The following RBFOX1 variants were observed in gnomAD, a reference collection of about 807,000 sequenced individuals.
RBFOX1 encodes RNA binding protein fox-1 homolog 1.
In RBFOX1, 8 loss-of-function variants were observed where a neutral mutation model predicts 57.7. That is an observed-to-expected ratio of 0.14 (90% CI 0.08 to 0.25). The LOEUF is 0.25. Ranked by LOEUF, RBFOX1 falls within the 10% of genes least tolerant of loss-of-function variation. The pLI is 1.00. For synonymous variants in RBFOX1, 326 were observed against 222.4 expected, an observed-to-expected ratio of 1.47 and a Z score of -4.15; for missense variants, 611 against 548.5, an observed-to-expected ratio of 1.11 and a Z score of -1.14.
chr16:7,479,139 T>G (rs2063356649), intron 4 of RBFOX1, among the ~76,000 whole-genome samples: 1 of 151,728 alleles, frequency 6.6e-6, no homozygotes, highest in Non-Finnish European at 1.5e-5. Flanking sequence ...AATTTTAATT[T>G]TAGGGACAGG....
chr16:5,920,386 G>C (rs2058795991), intron 4 of RBFOX1, among the ~76,000 whole-genome samples: 1 of 152,108 alleles, frequency 6.6e-6, no homozygotes, highest in South Asian at 2.1e-4. Context: ...TCCTACCTTT[G>C]GATTGTTTAG....
chr16:7,364,794 A>C (rs1371245133), intron 4 of RBFOX1, among the ~76,000 whole-genome samples: 1 of 152,190 alleles, frequency 6.6e-6, no homozygotes, highest in Non-Finnish European at 1.5e-5. Flanking sequence ...AAGAAGTCAG[A>C]AGAAATCTTT....
chr16:7,087,670 T>A (rs949370928), intron 4 of RBFOX1, among the ~76,000 whole-genome samples: 2 of 152,056 alleles, frequency 1.3e-5, no homozygotes, highest in Non-Finnish European at 2.9e-5. Flanking sequence ...GTTATCCTCA[T>A]AAACTCATAA....
chr16:5,435,565 C>T (rs572413760), intron 1 of RBFOX1, among the ~76,000 whole-genome samples: 19 of 152,266 alleles, frequency 1.2e-4, no homozygotes, highest in Non-Finnish European at 2.2e-4. Context: ...GGGCAAATGT[C>T]GTCACCACCC....
At chr16:5,352,276 C>A (rs1343356183) in intron 1 of RBFOX1, among the ~76,000 whole-genome samples, 1 of 152,148 alleles carries the variant, frequency 6.6e-6, no homozygotes, top group East Asian at 1.9e-4. Flanking sequence ...TCTTGTCCCC[C>A]AAGCTGAGCA....
At chr16:7,079,562 C>G (rs1007670603) in intron 4 of RBFOX1, among the ~76,000 whole-genome samples, 2 of 152,168 alleles carry the variant, frequency 1.3e-5, no homozygotes, top group Non-Finnish European at 2.9e-5. Flanking sequence ...GGTGTCACAT[C>G]TGTTTCTCTC....
At chr16:5,515,623 G>T (rs1394496070) in intron 2 of RBFOX1, among the ~76,000 whole-genome samples, 1 of 152,088 alleles carries the variant, frequency 6.6e-6, no homozygotes, top group Non-Finnish European at 1.5e-5. Flanking sequence ...GATCAATTTG[G>T]GTACGGTTGA....
At chr16:7,686,040 G>T (rs993715212) in intron 14 of RBFOX1, among the ~76,000 whole-genome samples, 1 of 151,942 alleles carries the variant, frequency 6.6e-6, no homozygotes, top group African/African-American at 2.4e-5. Context: ...GGGATTAATG[G>T]ATGACCATTG....
intron 4 of RBFOX1, among the ~76,000 whole-genome samples, chr16:7,389,996 C>G (rs879400046): frequency 6.6e-6 from 1 of 152,118 alleles, no homozygotes; most frequent in East Asian, 1.9e-4. Flanking sequence ...TGTACAGGCT[C>G]TGCTTCTGGG....
At chr16:6,945,045 G>A (rs908887190) in intron 3 of RBFOX1, among the ~76,000 whole-genome samples, 1 of 152,094 alleles carries the variant, frequency 6.6e-6, no homozygotes, top group Non-Finnish European at 1.5e-5. Context: ...TGAATCCCGT[G>A]TTCTAATGCA....
At chr16:5,609,491 C>T (rs1418187015) in intron 3 of RBFOX1, among the ~76,000 whole-genome samples, 1 of 152,148 alleles carries the variant, frequency 6.6e-6, no homozygotes, top group African/African-American at 2.4e-5. Flanking sequence ...CTATTTCCTT[C>T]TTGTGGAGAC....
chr16:6,435,627 AC>A (rs1567268032), intron 2 of RBFOX1, among the ~76,000 whole-genome samples: 1 of 151,810 alleles, frequency 6.6e-6, no homozygotes, highest in Non-Finnish European at 1.5e-5. Context: ...TATAGCATCT[AC>A]CCCCAGCAAG....
chr16:7,508,268 G>A (rs1043451907), intron 4 of RBFOX1, among the ~76,000 whole-genome samples: 3 of 152,268 alleles, frequency 2.0e-5, no homozygotes, highest in South Asian at 2.1e-4. Flanking sequence ...GTGAGCCACC[G>A]CGCCCGGCCA....
At chr16:7,462,031 C>T (rs2059674630) in intron 4 of RBFOX1, among the ~76,000 whole-genome samples, 1 of 152,176 alleles carries the variant, frequency 6.6e-6, no homozygotes, top group Non-Finnish European at 1.5e-5. Flanking sequence ...TGCCTGAGGA[C>T]AGGCCAGTGA....
intron 1 of RBFOX1, among the ~76,000 whole-genome samples, chr16:6,159,596 G>C (rs901529915): frequency 1.3e-5 from 2 of 152,172 alleles, no homozygotes; most frequent in Non-Finnish European, 2.9e-5. Context: ...AGGAAAGTTT[G>C]CCTTCCCCTC....
chr16:5,563,421 C>G lies in RBFOX1; in HGVS notation c.259-35481C>G, dbSNP rs1053687715. On this transcript the variant is annotated intron_variant, in intron 2 of 2. Transcript: ENST00000585867. ...TATCGTTATCTACTGAACTACAATG[C>G]TTAAACTGTTGAAATAATAGTTTTC... Among the ~76,000 whole-genome samples, 3 of 152,302 alleles carry G rather than the reference C, an allele frequency of 2.0e-5. No individual in the cohort carries two copies. In the South Asian group the frequency reaches 6.2e-4, roughly 32 times the overall value.
intron 14 of RBFOX1, among the ~76,000 whole-genome samples, chr16:7,696,243 T>A (rs949540581): frequency 1.3e-5 from 2 of 152,224 alleles, no homozygotes; most frequent in Non-Finnish European, 2.9e-5. Flanking sequence ...AAAGAATGTG[T>A]GCTCTGTTGG....
intron 3 of RBFOX1, among the ~76,000 whole-genome samples, chr16:5,711,426 A>G (rs2051483374): frequency 6.6e-6 from 1 of 152,218 alleles, no homozygotes; most frequent in Non-Finnish European, 1.5e-5. Context: ...ACCACCTTTC[A>G]GCTGAGAAAA....
intron 14 of RBFOX1, among the ~76,000 whole-genome samples, chr16:7,700,738 A>T (rs952240384): frequency 3.9e-5 from 6 of 152,134 alleles, no homozygotes; most frequent in African/African-American, 1.4e-4. Flanking sequence ...CAAAAGTGGG[A>T]CTTACTTACT....
Sources: allele counts gnomAD v4.1 joint callset (sites outside exome capture counted in the v4.1 genomes callset), GRCh38; gene constraint gnomAD v4.1.1; transcripts MANE v1.5; gene names NCBI Gene and HGNC (gene_info 2026-07-23, HGNC 2026-07-21).